Variants in ARHGEF3 observed in about 807,000 individuals in gnomAD.
ARHGEF3 encodes 59.8 kDA protein.
ARHGEF3 carries 28 observed loss-of-function variants against 63.2 expected under a neutral mutation model. That is an observed-to-expected ratio of 0.44 (90% confidence interval 0.33 to 0.61). The LOEUF is 0.61. Among genes scored for constraint, ARHGEF3 ranks in the 20% least tolerant of loss-of-function variants. ARHGEF3 has a pLI of 0.03. For synonymous variants in ARHGEF3, 266 were observed against 254.2 expected, an observed-to-expected ratio of 1.05 and a Z score of -0.44; for missense variants, 533 against 659.3, an observed-to-expected ratio of 0.81 and a Z score of 2.10.
chr3:56,993,906 T>A (rs906698852), intron 2 of ARHGEF3, among the ~76,000 whole-genome samples: 14 of 150,348 alleles, frequency 9.3e-5, no homozygotes, highest in Non-Finnish European at 1.6e-4. Context: ...CTACTAAATA[T>A]ACAAAAAATT....
intron 2 of ARHGEF3, among the ~76,000 whole-genome samples, chr3:56,764,641 A>G (rs1016186916): frequency 3.9e-5 from 6 of 152,100 alleles, no homozygotes; most frequent in Non-Finnish European, 7.3e-5. Flanking sequence ...AGAAGACGAT[A>G]TGAGGCCATG....
intron 3 of ARHGEF3, among the ~76,000 whole-genome samples, chr3:56,901,697 C>T (rs944957182): frequency 3.3e-5 from 5 of 151,770 alleles, no homozygotes; most frequent in African/African-American, 7.3e-5. Context: ...GATCCTTCCT[C>T]CTCAGCCTCT....
At chr3:56,876,265 C>T (rs375768273) in intron 4 of ARHGEF3, among the ~76,000 whole-genome samples, 1 of 151,996 alleles carries the variant, frequency 6.6e-6, no homozygotes, top group Non-Finnish European at 1.5e-5. Context: ...GTCTGGGAAC[C>T]TAGAGGCAGG....
intron 2 of ARHGEF3, among the ~76,000 whole-genome samples, chr3:56,755,399 G>A (rs2035010076): frequency 6.6e-6 from 1 of 152,224 alleles, no homozygotes; most frequent in African/African-American, 2.4e-5. Context: ...GTGGACTATA[G>A]TGCAAGCACA....
intron 4 of ARHGEF3, among the ~76,000 whole-genome samples, chr3:56,873,598 C>T (rs1487855999): frequency 5.3e-5 from 8 of 152,016 alleles, no homozygotes; most frequent in East Asian, 3.9e-4. Context: ...TTTGTAGAGA[C>T]GAGGTCTCAC....
intron 2 of ARHGEF3, among the ~76,000 whole-genome samples, chr3:57,016,430 T>C (rs746442913): frequency 3.0e-4 from 45 of 151,138 alleles, no homozygotes; most frequent in Non-Finnish European, 5.3e-4. Flanking sequence ...GCGCCTATAA[T>C]CTCAGCTACT....
intron 6 of ARHGEF3, among the ~76,000 whole-genome samples, chr3:56,746,582 T>C (rs1054415578): frequency 6.6e-6 from 1 of 151,752 alleles, no homozygotes; most frequent in Non-Finnish European, 1.5e-5. Flanking sequence ...ATACAAAAAT[T>C]AGCCAGGCAT....
chr3:56,836,864 C>T (rs939390341), intron 4 of ARHGEF3, among the ~76,000 whole-genome samples: 2 of 152,108 alleles, frequency 1.3e-5, no homozygotes, highest in East Asian at 1.9e-4. Flanking sequence ...GAGGTCGAGG[C>T]TGCAGTGAGC....
intron 3 of ARHGEF3, among the ~76,000 whole-genome samples, chr3:56,915,444 T>C (rs1027720372): frequency 6.6e-6 from 1 of 152,138 alleles, no homozygotes; most frequent in African/African-American, 2.4e-5. Flanking sequence ...CCAGCGTGGA[T>C]GACAGAGCAA....
chr3:56,899,505 A>C (rs1337160555), intron 3 of ARHGEF3, among the ~76,000 whole-genome samples: 2 of 152,168 alleles, frequency 1.3e-5, no homozygotes, highest in East Asian at 1.9e-4. Flanking sequence ...TATTTACATT[A>C]GTTTGTGCAT....
At position 57,007,588 on chromosome 3, in the gene ARHGEF3, G is replaced by A. The variant is rs115852288; in HGVS notation, c.62+27500C>T. Among the ~76,000 whole-genome samples the A allele has an allele frequency of 5.2e-3, 787 of 152,116 alleles. 10 individuals carry two copies. Among genetic ancestry groups the A allele is most frequent in the African/African-American group, 0.018 (745 of 41,520 alleles). On this transcript the variant is annotated intron_variant, in intron 2 of 12. Coordinates refer to the ARHGEF3 transcript ENST00000338458. ...ACAGAGGCCATGCCTGCAGTGTTGC[G>A]CCCGCCCCTCCACATTTACCACCAC...
intron 2 of ARHGEF3, among the ~76,000 whole-genome samples, chr3:56,986,737 T>C (rs1274615478): frequency 1.3e-5 from 2 of 148,280 alleles, no homozygotes; most frequent in African/African-American, 2.5e-5. Context: ...GTAGTGGGGG[T>C]AGTCACTGGG....
intron 1 of ARHGEF3, among the ~76,000 whole-genome samples, chr3:57,040,319 T>C (rs1273768873): frequency 6.9e-6 from 1 of 144,704 alleles, no homozygotes; most frequent in Admixed American, 6.9e-5. Flanking sequence ...CTACTAAAAA[T>C]ACAAAAAATT....
chr3:56,890,201 C>T (rs907260544), intron 3 of ARHGEF3, among the ~76,000 whole-genome samples: 12 of 152,190 alleles, frequency 7.9e-5, no homozygotes, highest in African/African-American at 2.9e-4. Context: ...AATGCAGCTC[C>T]ACCTTTGCTA....
At chr3:57,023,874 C>A (rs1703361850) in intron 2 of ARHGEF3, among the ~76,000 whole-genome samples, 1 of 152,234 alleles carries the variant, frequency 6.6e-6, no homozygotes, top group Admixed American at 6.5e-5. Context: ...TTGTTTAGGT[C>A]TGTGTGCTCC....
chr3:56,992,798 C>T (rs1011950667), intron 2 of ARHGEF3, among the ~76,000 whole-genome samples: 2 of 152,170 alleles, frequency 1.3e-5, no homozygotes, highest in Non-Finnish European at 2.9e-5. Context: ...TTAATACCTG[C>T]ACCAAGTCAA....
intron 2 of ARHGEF3, among the ~76,000 whole-genome samples, chr3:56,770,165 C>A (rs1214965900): frequency 1.3e-5 from 2 of 152,162 alleles, no homozygotes; most frequent in Admixed American, 6.5e-5. Flanking sequence ...GTAATCCCAG[C>A]ACTTTGGGAG....
chr3:57,028,788 G>A lies in ARHGEF3; in HGVS notation c.62+6300C>T, dbSNP rs566603315. Among the ~76,000 whole-genome samples, 6 of 151,780 alleles carry A rather than the reference G, an allele frequency of 4.0e-5. No individual in the cohort carries two copies. In the East Asian group the frequency reaches 7.7e-4, roughly 20 times the overall value. On this transcript the variant is annotated intron_variant, in intron 2 of 12. Transcript: ENST00000338458. Reference sequence around the variant, plus strand: ...TATGTGTTGTTCACTGGGTTGCGACGATGTTTGGAGCCAATGTATATAAAA... The same window carrying A: ...TATGTGTTGTTCACTGGGTTGCGACAATGTTTGGAGCCAATGTATATAAAA...
chr3:56,741,567 A>T (rs1186259550), intron 7 of ARHGEF3, among the ~76,000 whole-genome samples: 1 of 127,822 alleles, frequency 7.8e-6, no homozygotes, highest in Non-Finnish European at 1.5e-5. Context: ...GAGCAGTGGC[A>T]ATCTCGGCTC....
Sources: gnomAD v4.1 joint callset for allele counts (sites outside exome capture counted in the v4.1 genomes callset) on GRCh38, gnomAD v4.1.1 for gene constraint, MANE v1.5 for transcripts, NCBI Gene and HGNC (gene_info 2026-07-23, HGNC 2026-07-21) for gene names.